PYGB: variants seen among roughly 807,000 people sequenced by gnomAD.
PYGB encodes the protein glycogen phosphorylase B, also known as glycogen phosphorylase, brain form.
Under a neutral mutation model 94.3 loss-of-function variants are expected in PYGB, and 82 were observed. The ratio of observed to expected loss-of-function variants is 0.87; its 90% CI spans 0.73 to 1.04. The LOEUF (loss-of-function observed/expected upper bound fraction) is 1.04, where lower values mean the gene tolerates loss of function less well. PYGB is among the 50% of genes least tolerant of loss of function. PYGB has a pLI of 0.00. For missense variants in PYGB, 1,132 were observed against 1,158.2 expected (o/e 0.98, Z 0.33); for synonymous variants, 488 against 479.1 (o/e 1.02, Z -0.24).
intron 5 of PYGB, among the ~76,000 whole-genome samples, chr20:25,275,060 G>A (rs554500944): frequency 2.0e-5 from 3 of 152,232 alleles, no homozygotes; most frequent in Non-Finnish European, 2.9e-5. Context: ...CAGGCAGGAG[G>A]GTGTTCTGAT....
rs907894596 is a variant in PYGB at position 25,280,872 on chromosome 20, T to A, written c.1240-77T>A. The A allele has an allele frequency of 4.6e-6, 7 of 1,529,400 alleles. No homozygotes were observed. The African/African-American group carries it at 8.2e-5, about 18-fold the overall frequency. 94.7% of individuals were successfully genotyped at this position (1,529,400 alleles called of 1,614,324 possible). A position where few individuals can be genotyped will look rare whatever the true frequency, so the allele number is the denominator to read the frequency against. On this transcript the variant is annotated intron_variant, in intron 10 of 19. Coordinates refer to ENST00000216962, the MANE Select transcript of PYGB (RefSeq NM_002862.4). ...GCTTCCCATGGGTGGTCATGGAGTG[T>A]CCCCTGGTCATGGGGAGTGCTGGGT...
intron 1 of PYGB, among the ~76,000 whole-genome samples, chr20:25,254,810 C>A (rs1393493547): frequency 6.6e-6 from 1 of 152,140 alleles, no homozygotes; most frequent in Non-Finnish European, 1.5e-5. Flanking sequence ...TTTTGTGGAG[C>A]TTAATTGCAT....
At chr20:25,293,798 CTG>C (rs2088497980) in intron 17 of PYGB, 1 of 311,562 alleles carries the variant, frequency 3.2e-6, no homozygotes, top group Non-Finnish European at 6.1e-6. Context: ...CTCCGGCCGT[CTG>C]TTTTTCAAAA....
chr20:25,295,268 C>G (rs1440277528), intron 18 of PYGB, among the ~76,000 whole-genome samples: 1 of 152,250 alleles, frequency 6.6e-6, no homozygotes, highest in Non-Finnish European at 1.5e-5. Context: ...GCCATGGGCT[C>G]TCCACTGTCT....
chr20:25,256,301 T>C (rs1240118238), intron 1 of PYGB, among the ~76,000 whole-genome samples: 4 of 152,074 alleles, frequency 2.6e-5, no homozygotes, highest in Admixed American at 6.5e-5. Flanking sequence ...ACTGTTCGTG[T>C]TGATCATATT....
chr20:25,260,890 C>T (rs2092911954), intron 2 of PYGB, among the ~76,000 whole-genome samples: 1 of 152,236 alleles, frequency 6.6e-6, no homozygotes, highest in Non-Finnish European at 1.5e-5. Context: ...GCTAGCACAA[C>T]AGTATGAGAT....
At position 25,276,739 on chromosome 20, in the gene PYGB, G is replaced by A. The variant is rs199605983; in HGVS notation, c.754G>A (p.Asp252Asn). The change falls in exon 6 of 20, where the codon GAC (aspartate) becomes AAC (asparagine). Residue 252 changes from aspartate to asparagine, a missense_variant. Physicochemically the swap from Asp to Asn is conservative, Grantham distance 23 (BLOSUM62 1). Transcript: ENST00000216962. ...GCTGTGGTCCGCCAAGGCTCCCAAC[G>A]ACTTCAAGCTGCAGGACTGTACGTT... Reference protein sequence around the residue: ...MRLWSAKAPNDFKLQDFNVGD... With the variant: ...MRLWSAKAPNNFKLQDFNVGD... 2.6e-4 allele frequency: 418 copies of A among 1,613,920 alleles called. 5 individuals carry two copies. In the South Asian group the frequency reaches 4.2e-3, roughly 16 times the overall value.
chr20:25,264,753 A>AC (rs1162153735), intron 2 of PYGB, among the ~76,000 whole-genome samples: 2 of 152,174 alleles, frequency 1.3e-5, no homozygotes, highest in African/African-American at 4.8e-5. Context: ...AGAACTACAA[A>AC]CCACTGTTCA....
At position 25,284,248 on chromosome 20, in the gene PYGB, A is replaced by C. The variant is rs1568695776; in HGVS notation, c.1765A>C (p.Asn589His). Residue 589 changes from asparagine (N) to histidine (H), a missense_variant, in exon 14 of 20, where the codon AAT becomes CAT. Asn to His is a moderately conservative substitution (Grantham distance 68). Transcript: ENST00000216962. ...LNCLHVVTLY[N>H]RIKRDPAKAF... ...CTGCCTGCACGTCGTCACCCTGTACAATCGTGAGTGCCGGCATCACCTGCA... is the reference window on the plus strand; with the variant it reads ...CTGCCTGCACGTCGTCACCCTGTACCATCGTGAGTGCCGGCATCACCTGCA... The C allele has an allele frequency of 5.0e-6, 8 of 1,613,068 alleles. No homozygotes were observed. The highest frequency in any genetic ancestry group is 5.9e-6 in the Non-Finnish European group (7 of 1,179,442).
intron 15 of PYGB, among the ~76,000 whole-genome samples, chr20:25,288,910 C>T (rs767586911): frequency 1.2e-4 from 18 of 152,242 alleles, no homozygotes; most frequent in Non-Finnish European, 1.9e-4. Flanking sequence ...CAGGTCACAT[C>T]GTCACACTCA....
intron 1 of PYGB, among the ~76,000 whole-genome samples, chr20:25,258,406 GAA>G (rs1401023169): frequency 2.0e-5 from 3 of 152,214 alleles, no homozygotes; most frequent in African/African-American, 7.2e-5. Context: ...AAGAATATCA[GAA>G]AGTGTTTGGC....
intron 14 of PYGB, among the ~76,000 whole-genome samples, chr20:25,287,693 T>TA (rs1352311174): frequency 6.6e-6 from 1 of 151,238 alleles, no homozygotes; most frequent in East Asian, 2.0e-4. Flanking sequence ...CCAAGAGTGG[T>TA]AGAGTGCGAG....
rs781341866 is a variant in PYGB at position 25,271,505 on chromosome 20, C to T, written c.528+19C>T. 1 of 1,596,364 alleles carries T rather than the reference C, an allele frequency of 6.3e-7. No individual in the cohort carries two copies. The highest frequency in any genetic ancestry group is 8.6e-7 in the Non-Finnish European group (1 of 1,163,844). ...CTGGCAGGTGGGTGAGATTTCATTT[C>T]TTCACTGGTTTCCAGCTCTCGTTCA... On this transcript the variant is annotated intron_variant, in intron 4 of 19. Coordinates refer to ENST00000216962, the MANE Select transcript of PYGB (RefSeq NM_002862.4).
rs200000139 is a variant in PYGB, at chr20:25,274,604, G to A, written c.541G>A (p.Asp181Asn). 5.0e-5 allele frequency: 81 copies of A among 1,613,262 alleles called. No individual in the cohort carries two copies. The highest frequency in any genetic ancestry group is 3.7e-5 in the Non-Finnish European group (44 of 1,179,768). The change falls in exon 5 of 20, where the codon GAT becomes AAT. Residue 181 changes from aspartate to asparagine, a missense_variant. Asp to Asn is a conservative substitution (Grantham distance 23, BLOSUM62 1). Transcript: ENST00000216962. ...GGCTTCTTTCCAGGTAGAGGAGGCC[G>A]ATGACTGGCTGCGCTACGGCAACCC... ...IVNGWQVEEA[D>N]DWLRYGNPWE...
intron 1 of PYGB, among the ~76,000 whole-genome samples, chr20:25,249,306 T>G (rs1204403180): frequency 6.6e-6 from 1 of 152,234 alleles, no homozygotes; most frequent in African/African-American, 2.4e-5. Context: ...TGCAGGTCAA[T>G]GGATAGGATG....
chr20:25,283,198 C>A lies in PYGB; in HGVS notation c.1541C>A (p.Thr514Asn). 1 of 1,613,788 alleles carries A rather than the reference C, an allele frequency of 6.2e-7. No individual in the cohort carries two copies. Among genetic ancestry groups the A allele is most frequent in the Non-Finnish European group, 8.5e-7 (1 of 1,179,796 alleles). Residue 514 changes from threonine to asparagine, a missense_variant, in exon 13 of 20, where the codon ACT becomes AAT. Thr to Asn is a moderately conservative substitution (Grantham distance 65, BLOSUM62 0). Transcript: ENST00000216962. ...IVEKIGEEFL[T>N]DLSQLKKLLP... ...CAGAAAATTGGGGAGGAGTTCCTGA[C>A]TGACCTGAGCCAGCTGAAGAAGCTG... is the stretch of plus-strand genomic sequence containing the variant.
chr20:25,283,457 C>G (rs1047745083), intron 13 of PYGB, among the ~76,000 whole-genome samples, 180 bp downstream of exon 13: 1 of 152,192 alleles, frequency 6.6e-6, no homozygotes, highest in African/African-American at 2.4e-5. Context: ...CTCTCCACCC[C>G]ACTCAGCCTT....
chr20:25,290,888 C>T (rs887537480), intron 16 of PYGB, among the ~76,000 whole-genome samples: 25 of 152,178 alleles, frequency 1.6e-4, no homozygotes, highest in African/African-American at 4.1e-4. Flanking sequence ...CCTGCCTGGC[C>T]TGCCCTCTGT....
At chr20:25,284,874 A>G (rs1172473385) in intron 14 of PYGB, 1 of 152,262 alleles carries the variant, frequency 6.6e-6, no homozygotes, top group Non-Finnish European at 1.5e-5. Flanking sequence ...GTCTAAGGAC[A>G]TTTAATTATG....
Sources: gnomAD v4.1 joint callset for allele counts (sites outside exome capture counted in the v4.1 genomes callset) on GRCh38, gnomAD v4.1.1 for gene constraint, MANE v1.5 for transcripts, NCBI Gene and HGNC (gene_info 2026-07-23, HGNC 2026-07-21) for gene names.